SLC6A7: variants seen among roughly 807,000 people sequenced by gnomAD.
SLC6A7 encodes solute carrier family 6 member 7.
Under a neutral mutation model 73.1 loss-of-function variants are expected in SLC6A7, and 58 were observed. The observed-to-expected ratio is 0.79, with a 90% CI of 0.64 to 0.99. SLC6A7 has a LOEUF of 0.99. SLC6A7 is among the 50% of genes least tolerant of loss of function. The pLI, the probability that SLC6A7 is intolerant of heterozygous loss-of-function variation, is 0.00. For synonymous variants in SLC6A7, 338 were observed against 338.7 expected (o/e 1.00, Z 0.02); for missense variants, 783 against 831.4 (o/e 0.94, Z 0.72).
At position 150,192,139 on chromosome 5, in the gene SLC6A7, G is replaced by C. The variant is rs116040154; in HGVS notation, c.33+1779G>C. Among the ~76,000 whole-genome samples, 628 of 152,148 alleles carry C rather than the reference G, an allele frequency of 4.1e-3. 4 individuals carry two copies. Among genetic ancestry groups the C allele is most frequent in the African/African-American group, 0.014 (579 of 41,500 alleles). On this transcript the variant is annotated intron_variant, in intron 1 of 13. Coordinates refer to ENST00000230671, the MANE Select transcript of SLC6A7 (RefSeq NM_014228.5). Reference sequence around the variant, plus strand: ...AATGCCAGATTTCCGCAAAGGAGCAGCATTGCTCAGAGATGAACACTGGAC... The same window carrying C: ...AATGCCAGATTTCCGCAAAGGAGCACCATTGCTCAGAGATGAACACTGGAC...
chr5:150,202,501 G>T (rs532722049), intron 7 of SLC6A7, 51 bp downstream of exon 7: 4 of 1,610,896 alleles, frequency 2.5e-6, no homozygotes, highest in East Asian at 4.5e-5. Flanking sequence ...AGGGAGGAGA[G>T]TGGCTGGCCA....
chr5:150,197,455 T>G (rs540369466), intron 4 of SLC6A7, among the ~76,000 whole-genome samples, 179 bp downstream of exon 4: 1 of 152,344 alleles, frequency 6.6e-6, no homozygotes, highest in South Asian at 2.1e-4. Flanking sequence ...CTCAAACAAT[T>G]TATTTGGCTT....
In SLC6A7 at chr5:150,205,477, G is replaced by A. The variant is rs145845903; in HGVS notation, c.1555G>A (p.Val519Ile). 18 of 1,609,550 alleles carry A rather than the reference G, an allele frequency of 1.1e-5. No individual in the cohort carries two copies. Among genetic ancestry groups the A allele is most frequent in the African/African-American group, 5.3e-5 (4 of 74,894 alleles). Residue 519 changes from valine to isoleucine, a missense_variant, in exon 13 of 14, where the codon GTC (valine) becomes ATC (isoleucine). Transcript: ENST00000230671. ...GCAGGCCCTCATGGTGTATAGCATCGTCAAGTACCAGCCCTCGGAGTATGG... is the reference window on the plus strand; with the variant it reads ...GCAGGCCCTCATGGTGTATAGCATCATCAAGTACCAGCCCTCGGAGTATGG... ...TLLALMVYSI[V>I]KYQPSEYGSY...
chr5:150,209,573 G>A lies in SLC6A7; in HGVS notation c.1869G>A (p.Glu623=). ...CCAGCTTCGAGAACACGGCCATCGA[G>A]GTGGACCGTGAGATTGCAGAGGAGG... ...GITSFENTAI[E]VDREIAEEEE... Residue 623 remains glutamate, a synonymous_variant, in exon 14 of 14, where the codon GAG becomes GAA. Coordinates refer to ENST00000230671, the MANE Select transcript of SLC6A7 (RefSeq NM_014228.5). The A allele has an allele frequency of 1.2e-6, 2 of 1,613,308 alleles. No homozygotes were observed. Among genetic ancestry groups the A allele is most frequent in the Non-Finnish European group, 1.7e-6 (2 of 1,179,616 alleles).
At chr5:150,209,356 A>G (rs747149541) in intron 13 of SLC6A7, 50 bp from the exon 14 acceptor site, 18 of 1,495,774 alleles carry the variant, frequency 1.2e-5, no homozygotes, top group Non-Finnish European at 1.7e-5. Flanking sequence ...TGAACCCTCC[A>G]CCAGCGCTGC....
intron 5 of SLC6A7, among the ~76,000 whole-genome samples, chr5:150,199,869 C>T (rs562332092): frequency 4.9e-4 from 75 of 152,258 alleles, no homozygotes; most frequent in African/African-American, 1.8e-3. Flanking sequence ...CTTCATTCTT[C>T]GTGAGGTCAC....
chr5:150,206,570 C>T (rs1467464944), intron 13 of SLC6A7, among the ~76,000 whole-genome samples: 2 of 152,228 alleles, frequency 1.3e-5, no homozygotes, highest in Non-Finnish European at 2.9e-5. Context: ...CCTCAGCTCC[C>T]CCACCACAAG....
intron 10 of SLC6A7, 90 bp downstream of exon 10, chr5:150,204,128 G>A: frequency 7.6e-7 from 1 of 1,320,528 alleles, no homozygotes; most frequent in Non-Finnish European, 1.0e-6. Context: ...CAGTTGCTGG[G>A]CCCCCTCCAT....
chr5:150,203,821 G>T lies in SLC6A7; in HGVS notation c.1200+42G>T, dbSNP rs754322218. The T allele has an allele frequency of 1.5e-4, 62 of 400,266 alleles. No homozygotes were observed. In the East Asian group the frequency reaches 3.0e-3, roughly 20 times the overall value. 24.8% of individuals were successfully genotyped at this position (400,266 alleles called of 1,614,324 possible). A position where few individuals can be genotyped will look rare whatever the true frequency, so the allele number is the denominator to read the frequency against. The stretch of plus-strand genomic sequence containing the variant: ...GCAGCAGGCACCCCGTGTGTGTGTG[G>T]TGTGTGTGTGTGTGTGTGTGTGTGT... On this transcript the variant is annotated intron_variant, in intron 9 of 13. Coordinates refer to ENST00000230671, the MANE Select transcript of SLC6A7 (RefSeq NM_014228.5).
rs1472919538 is a variant in SLC6A7 at position 150,209,776 on chromosome 5, C to T, written c.*161C>T. 5 of 642,996 alleles carry T rather than the reference C, an allele frequency of 7.8e-6. No homozygotes were observed. In the Admixed American group the frequency reaches 1.0e-4, roughly 13 times the overall value. 39.8% of individuals were successfully genotyped at this position (642,996 alleles called of 1,614,324 possible). On this transcript the variant is annotated 3_prime_UTR_variant, in exon 14 of 14. Transcript: ENST00000230671. ...TGGGGGTCCCTTCTGCAGCCTCTGCCTCTCCTGAAACCTCTGACAACCCCC... is the reference window on the plus strand; with the variant it reads ...TGGGGGTCCCTTCTGCAGCCTCTGCTTCTCCTGAAACCTCTGACAACCCCC...
rs949339950 is a variant in SLC6A7, at chr5:150,197,809, C to T, written c.584+533C>T. ...GCACTTAGCATAAGGCCAGGACGTA[C>T]ATAGTAAGGACCATCTCAGACTCCT... On this transcript the variant is annotated intron_variant, in intron 4 of 13. Coordinates refer to ENST00000230671, the MANE Select transcript of SLC6A7 (RefSeq NM_014228.5). Among the ~76,000 whole-genome samples, 15 of 152,220 alleles carry T rather than the reference C, an allele frequency of 9.9e-5. No homozygotes were observed. The East Asian group carries it at 2.5e-3, about 25-fold the overall frequency.
At chr5:150,200,319 C>A (rs1580862495) in intron 5 of SLC6A7, among the ~76,000 whole-genome samples, 1 of 152,068 alleles carries the variant, frequency 6.6e-6, no homozygotes, top group African/African-American at 2.4e-5. Flanking sequence ...ATGGTGAAAC[C>A]CTGTCTCTAC....
intron 13 of SLC6A7, 80 bp downstream of exon 13, chr5:150,205,703 A>G (rs957203444): frequency 1.6e-6 from 2 of 1,233,646 alleles, no homozygotes; most frequent in East Asian, 2.4e-5. Flanking sequence ...AACAGAAAAC[A>G]TATGCACCCA....
intron 1 of SLC6A7, 82 bp downstream of exon 1, chr5:150,190,442 G>A (rs767519369): frequency 4.0e-6 from 4 of 1,000,918 alleles, no homozygotes; most frequent in Non-Finnish European, 5.6e-6. Flanking sequence ...CCCTGGGGAA[G>A]GTCTGAGGAT....
intron 12 of SLC6A7, 39 bp downstream of exon 12, chr5:150,204,966 C>T: frequency 1.5e-6 from 2 of 1,321,446 alleles, no homozygotes; most frequent in Non-Finnish European, 2.2e-6. Context: ...GCTGGGGCCC[C>T]AGAATTGAAA....
Position 150,197,271 on chromosome 5 carries a change from C to G in SLC6A7, c.579C>G (p.Tyr193Ter). ...LTCTVSPSEEYWSRYVLHIQG... is the reference protein window; with the variant it reads ...LTCTVSPSEE ...GCACCGTCAGCCCCAGCGAGGAGTACTGGAGGTCAGGCAGCTGCTGGCCCC... is the reference window on the plus strand; with the variant it reads ...GCACCGTCAGCCCCAGCGAGGAGTAGTGGAGGTCAGGCAGCTGCTGGCCCC... The change falls in exon 4 of 14, where the codon TAC becomes TAG. Residue 193 changes from tyrosine to a stop codon, truncating the protein, a stop_gained. Coordinates refer to ENST00000230671, the MANE Select transcript of SLC6A7 (RefSeq NM_014228.5). LOFTEE classifies it high-confidence loss of function. The G allele has an allele frequency of 1.9e-6, 3 of 1,599,260 alleles. No individual in the cohort carries two copies. The highest frequency in any genetic ancestry group is 1.7e-6 in the Non-Finnish European group (2 of 1,170,940).
intron 13 of SLC6A7, 114 bp from the exon 14 acceptor site, chr5:150,209,292 G>C (rs1406019873): frequency 4.7e-6 from 4 of 859,068 alleles, no homozygotes; most frequent in Non-Finnish European, 7.6e-6. Context: ...AGGGGGCTGT[G>C]GCCAGGACTC....
intron 13 of SLC6A7, 88 bp from the exon 14 acceptor site, chr5:150,209,318 C>G (rs1753848181): frequency 9.2e-7 from 1 of 1,085,828 alleles, no homozygotes; most frequent in Non-Finnish European, 1.4e-6. Flanking sequence ...GTGATGTGGT[C>G]AGGTGTTTGC....
intron 1 of SLC6A7, among the ~76,000 whole-genome samples, chr5:150,190,665 C>T (rs1420339457): frequency 1.3e-5 from 2 of 152,202 alleles, no homozygotes; most frequent in African/African-American, 4.8e-5. Flanking sequence ...CAGGCACCCA[C>T]CTCTTCCCCA....
Sources: gnomAD v4.1 joint callset for allele counts (sites outside exome capture counted in the v4.1 genomes callset) on GRCh38, gnomAD v4.1.1 for gene constraint, MANE v1.5 for transcripts, NCBI Gene and HGNC (gene_info 2026-07-23, HGNC 2026-07-21) for gene names.